RORA: variants seen among roughly 807,000 people sequenced by gnomAD.
RORA encodes nuclear receptor ROR-alpha.
In RORA, 7 loss-of-function variants were observed where a neutral mutation model predicts 69.5. That is an observed-to-expected ratio of 0.10 (90% CI 0.06 to 0.19). RORA has a LOEUF of 0.19. Ranked by LOEUF, RORA falls within the 10% of genes least tolerant of loss-of-function variation. The probability of loss-of-function intolerance (pLI) is 1.00; values close to 1 mark genes in which losing one functional copy is unlikely to be tolerated. For missense variants in RORA, 457 were observed against 663.0 expected (o/e 0.69, Z 3.41); for synonymous variants, 261 against 240.8 (o/e 1.08, Z -0.78).
At chr15:60,997,666 T>C (rs185660292) in intron 1 of RORA, among the ~76,000 whole-genome samples, 4 of 152,320 alleles carry the variant, frequency 2.6e-5, no homozygotes, top group African/African-American at 7.2e-5. Context: ...TTCCACATGA[T>C]AGTTATGGCT....
intron 1 of RORA, among the ~76,000 whole-genome samples, chr15:60,939,465 C>T (rs150885404): frequency 3.5e-4 from 53 of 152,330 alleles, no homozygotes; most frequent in African/African-American, 1.2e-3. Context: ...CAACTCTGGG[C>T]CAGGCTGGTC....
At chr15:60,959,269 G>T (rs990313243) in intron 1 of RORA, among the ~76,000 whole-genome samples, 1 of 152,148 alleles carries the variant, frequency 6.6e-6, no homozygotes, top group African/African-American at 2.4e-5. Flanking sequence ...GACCCAAAGA[G>T]ATCTAACAAA....
At chr15:61,081,479 A>G (rs1000940640) in intron 1 of RORA, among the ~76,000 whole-genome samples, 1 of 152,178 alleles carries the variant, frequency 6.6e-6, no homozygotes, top group Non-Finnish European at 1.5e-5. Context: ...CGTGTATATT[A>G]TTCCTTTTCT....
intron 1 of RORA, among the ~76,000 whole-genome samples, chr15:60,936,223 C>T (rs1378716121): frequency 6.6e-6 from 1 of 152,178 alleles, no homozygotes; most frequent in Non-Finnish European, 1.5e-5. Flanking sequence ...AAAGGAAGAC[C>T]CATCTCCAGG....
At chr15:60,551,912 A>G (rs563247142) in intron 2 of RORA, among the ~76,000 whole-genome samples, 1 of 152,346 alleles carries the variant, frequency 6.6e-6, no homozygotes, top group South Asian at 2.1e-4. Flanking sequence ...CTCATTTCAC[A>G]GAGAAAAACA....
At chr15:60,586,933 G>A (rs1340482698) in intron 2 of RORA, among the ~76,000 whole-genome samples, 3 of 151,970 alleles carry the variant, frequency 2.0e-5, no homozygotes, top group East Asian at 1.9e-4. Context: ...AAAGACAAAC[G>A]ATTTCTCAAG....
At chr15:60,595,117 A>AACATCTCCCATATTGAAGGG (rs551174927) in intron 2 of RORA, among the ~76,000 whole-genome samples, 3,161 of 152,132 alleles carry the variant, frequency 0.021, 75 homozygotes, top group Admixed American at 0.082. Context: ...AGTAAAAGGG[A>AACATCTCCCATATTGAAGGG]ACATCTCCCA....
At chr15:60,951,293 T>A in intron 1 of RORA, among the ~76,000 whole-genome samples, 1 of 129,154 alleles carries the variant, frequency 7.7e-6, no homozygotes, top group African/African-American at 3.0e-5. Context: ...CAAAGCAGTG[T>A]GTAGAGGGAA....
chr15:60,679,173 G>T (rs961137515), intron 1 of RORA, among the ~76,000 whole-genome samples: 1 of 152,168 alleles, frequency 6.6e-6, no homozygotes, highest in Non-Finnish European at 1.5e-5. Flanking sequence ...TTTTAATGGT[G>T]AGGGGGAAAT....
intron 2 of RORA, among the ~76,000 whole-genome samples, chr15:60,605,102 C>G (rs1326024906): frequency 1.3e-5 from 2 of 152,056 alleles, no homozygotes; most frequent in East Asian, 1.9e-4. Context: ...TAATTTTTCA[C>G]TTTAGAAGTG....
chr15:60,682,882 G>T (rs1306384562), intron 1 of RORA, among the ~76,000 whole-genome samples: 1 of 152,196 alleles, frequency 6.6e-6, no homozygotes, highest in African/African-American at 2.4e-5. Flanking sequence ...TGAATGACGG[G>T]GTGGAACCAA....
At chr15:61,176,240 TAGTC>T (rs1245768058) in intron 1 of RORA, 3 of 152,216 alleles carry the variant, frequency 2.0e-5, no homozygotes, top group East Asian at 1.9e-4. Context: ...TCTTGGTAGA[TAGTC>T]AGACTATTTG....
chr15:60,592,022 C>T lies in RORA; in HGVS notation c.197-60171G>A, dbSNP rs562400305. On this transcript the variant is annotated intron_variant, in intron 2 of 10. Coordinates refer to ENST00000335670, the MANE Select transcript of RORA (RefSeq NM_134261.3). ...CCTGGGGACCGGCCGCGGGCGTCCC[C>T]GGCTTCCTCTGAACTCCGCAGACCC... Among the ~76,000 whole-genome samples, 5 of 152,130 alleles carry T rather than the reference C, an allele frequency of 3.3e-5. No individual in the cohort carries two copies. The South Asian group carries it at 8.3e-4, about 25-fold the overall frequency.
At chr15:61,100,040 T>C (rs2140745862) in intron 1 of RORA, among the ~76,000 whole-genome samples, 1 of 151,600 alleles carries the variant, frequency 6.6e-6, no homozygotes, top group South Asian at 2.1e-4. Context: ...ATTATAGGAA[T>C]AGAATTCAAA....
chr15:61,059,978 AAGAG>A, intron 1 of RORA, among the ~76,000 whole-genome samples: 1 of 136,520 alleles, frequency 7.3e-6, no homozygotes, highest in African/African-American at 3.0e-5. Flanking sequence ...GAGGAAGAGG[AAGAG>A]GAAGAGGAAG....
chr15:61,059,757 G>A (rs2078145372), intron 1 of RORA, among the ~76,000 whole-genome samples: 1 of 151,800 alleles, frequency 6.6e-6, no homozygotes, highest in Admixed American at 6.6e-5. Flanking sequence ...ATGGTATCAA[G>A]GAGAAAAATG....
chr15:61,170,207 T>C (rs1470565359), intron 1 of RORA, among the ~76,000 whole-genome samples: 2 of 152,334 alleles, frequency 1.3e-5, no homozygotes, highest in Non-Finnish European at 2.9e-5. Context: ...CTACTAACTG[T>C]TCTGAAAGTC....
chr15:60,511,526 G>T lies in RORA; in HGVS notation c.520C>A (p.Gln174Lys), dbSNP rs770351742. 6.2e-7 allele frequency: 1 copy of T among 1,614,038 alleles called. No homozygotes were observed. The highest frequency in any genetic ancestry group is 1.3e-5 in the African/African-American group (1 of 74,922). The stretch of plus-strand genomic sequence containing the variant: ...AGCGGCTCAGCCTCTCCAGGCTGCT[G>T]CTGGTGGTCGCGCTGCTGCTGCTGC... Reference protein sequence around the residue: ...RMQQQQRDHQQQPGEAEPLTP... With the variant: ...RMQQQQRDHQKQPGEAEPLTP... Residue 174 changes from glutamine to lysine, a missense_variant, in exon 5 of 11, where the codon CAG becomes AAG. Transcript: ENST00000335670. The surrounding 1 kb of genome is among the most constrained non-coding windows in gnomAD (Gnocchi z 6.4).
intron 1 of RORA, among the ~76,000 whole-genome samples, chr15:60,979,542 A>T (rs1351625085): frequency 6.6e-6 from 1 of 152,016 alleles, no homozygotes; most frequent in Admixed American, 6.5e-5. Context: ...TAGGACTTTC[A>T]CTTCCTTGGT....
Sources: gnomAD v4.1 joint callset for allele counts (sites outside exome capture counted in the v4.1 genomes callset) on GRCh38, gnomAD v4.1.1 for gene constraint, Gnocchi (gnomAD v3.1) non-coding constraint, MANE v1.5 for transcripts, NCBI Gene and HGNC (gene_info 2026-07-23, HGNC 2026-07-21) for gene names.